Variants in SLC2A9 observed in about 807,000 individuals in gnomAD.
SLC2A9 encodes solute carrier family 2, facilitated glucose transporter member 9.
A neutral mutation model predicts 50.6 loss-of-function variants in SLC2A9; 39 were observed. The ratio of observed to expected loss-of-function variants is 0.77; its 90% confidence interval spans 0.60 to 1.01. The LOEUF is 1.01. Among genes scored for constraint, SLC2A9 ranks in the 50% least tolerant of loss-of-function variants. The probability of loss-of-function intolerance (pLI) is 0.00; values close to 1 mark genes in which losing one functional copy is unlikely to be tolerated. For missense variants in SLC2A9, 686 were observed against 677.6 expected, an observed-to-expected ratio of 1.01 and a Z score of -0.14; for synonymous variants, 324 against 276.9, an observed-to-expected ratio of 1.17 and a Z score of -1.69.
At chr4:9,771,676 G>A (rs955410761) in intron 1 of SLC2A9, among the ~76,000 whole-genome samples, 1 of 152,246 alleles carries the variant, frequency 6.6e-6, no homozygotes, top group African/African-American at 2.4e-5. Flanking sequence ...AGCACCGAGC[G>A]AACAGATCAT....
chr4:10,035,528 G>C (rs765298337), intron 1 of SLC2A9: 1 of 152,212 alleles, frequency 6.6e-6, no homozygotes, highest in Non-Finnish European at 1.5e-5. Flanking sequence ...CTCATGGGCT[G>C]GCTGAAGGGA....
At chr4:9,835,734 C>T (rs1297996527) in intron 10 of SLC2A9, among the ~76,000 whole-genome samples, 6 of 152,272 alleles carry the variant, frequency 3.9e-5, no homozygotes, top group East Asian at 1.9e-4. Context: ...GAAAACCAAA[C>T]ATCGTATGTT....
chr4:9,838,129 A>C (rs189043916), intron 10 of SLC2A9, among the ~76,000 whole-genome samples: 1 of 152,312 alleles, frequency 6.6e-6, no homozygotes, highest in East Asian at 1.9e-4. Flanking sequence ...TCTCCATTAT[A>C]TCCCCCATTT....
chr4:9,895,826 T>C (rs751154401), intron 8 of SLC2A9, among the ~76,000 whole-genome samples: 5 of 152,222 alleles, frequency 3.3e-5, no homozygotes, highest in Non-Finnish European at 5.9e-5. Context: ...CAGAATTATC[T>C]TGTGTCTCTT....
intron 3 of SLC2A9, chr4:9,781,994 G>A: frequency 7.0e-7 from 1 of 1,420,956 alleles, no homozygotes; most frequent in Middle Eastern, 1.9e-4. Flanking sequence ...CTGAAGTTGG[G>A]ACCGCGCACA....
intron 7 of SLC2A9, among the ~76,000 whole-genome samples, chr4:9,919,189 G>T (rs1175882752): frequency 6.6e-6 from 1 of 152,116 alleles, no homozygotes; most frequent in Non-Finnish European, 1.5e-5. Flanking sequence ...CAGACTGTCT[G>T]GCAAAACCTC....
chr4:9,884,265 T>C (rs1469629998), intron 10 of SLC2A9, among the ~76,000 whole-genome samples: 1 of 152,214 alleles, frequency 6.6e-6, no homozygotes, highest in African/African-American at 2.4e-5. Context: ...ATGTTACTTT[T>C]TTAAACAATT....
chr4:10,023,507 C>T (rs1012850883), upstream of SLC2A9, among the ~76,000 whole-genome samples: 1 of 152,158 alleles, frequency 6.6e-6, no homozygotes, highest in Non-Finnish European at 1.5e-5. Context: ...CCCCTCATCC[C>T]GTTAAAAATT....
intron 10 of SLC2A9, among the ~76,000 whole-genome samples, chr4:9,878,146 A>G: frequency 6.8e-6 from 1 of 148,066 alleles, no homozygotes. Flanking sequence ...ACACACACAC[A>G]TATATATATA....
intron 5 of SLC2A9, among the ~76,000 whole-genome samples, chr4:9,942,530 G>C (rs1748357569): frequency 6.6e-6 from 1 of 152,218 alleles, no homozygotes; most frequent in African/African-American, 2.4e-5. Context: ...ACACAAGAAG[G>C]GCAGCTGGAG....
intron 2 of SLC2A9, among the ~76,000 whole-genome samples, chr4:9,999,518 G>A (rs1308423295): frequency 1.3e-5 from 2 of 152,178 alleles, no homozygotes; most frequent in Non-Finnish European, 2.9e-5. Context: ...GGCAGAGGGA[G>A]AATTATGCCA....
chr4:9,947,676 T>C (rs766604758), intron 5 of SLC2A9, among the ~76,000 whole-genome samples: 35 of 152,066 alleles, frequency 2.3e-4, no homozygotes, highest in Non-Finnish European at 1.2e-4. Context: ...AAGTCTATAC[T>C]CCAATCACTT....
rs930827613 is a variant in SLC2A9, at chr4:9,837,627, T to A, written c.1292-2619A>T. On this transcript the variant is annotated intron_variant, in intron 10 of 11. Coordinates refer to ENST00000264784, the MANE Select transcript of SLC2A9 (RefSeq NM_020041.3). Reference sequence around the variant, plus strand: ...TTTCTTCAGGGCTTGAGGCCATGACTTGTTTATTGGTTAAGACTCCTGATC... The same window carrying A: ...TTTCTTCAGGGCTTGAGGCCATGACATGTTTATTGGTTAAGACTCCTGATC... Among the ~76,000 whole-genome samples the A allele has an allele frequency of 3.3e-5, 5 of 152,254 alleles. No homozygotes were observed. In the South Asian group the frequency reaches 1.0e-3, roughly 31 times the overall value.
chr4:9,927,072 C>T (rs1745040699), intron 6 of SLC2A9, among the ~76,000 whole-genome samples: 1 of 151,272 alleles, frequency 6.6e-6, no homozygotes, highest in Non-Finnish European at 1.5e-5. Context: ...TCTTGTTGCC[C>T]AGACTGCAGT....
chr4:9,997,689 C>A (rs777635362), intron 2 of SLC2A9, among the ~76,000 whole-genome samples: 1 of 151,338 alleles, frequency 6.6e-6, no homozygotes, highest in Non-Finnish European at 1.5e-5. Context: ...GACAGAGTGA[C>A]ACCCTGTCTC....
At chr4:9,820,563 T>C (rs1386340166) in intron 3 of SLC2A9, among the ~76,000 whole-genome samples, 3 of 152,230 alleles carry the variant, frequency 2.0e-5, no homozygotes, top group Non-Finnish European at 4.4e-5. Context: ...AAGTCATTCA[T>C]TCAGTGAACA....
At chr4:9,972,960 A>C (rs992466541) in intron 5 of SLC2A9, among the ~76,000 whole-genome samples, 1 of 152,238 alleles carries the variant, frequency 6.6e-6, no homozygotes, top group South Asian at 2.1e-4. Context: ...AGAACAGAAC[A>C]GAACAAAATT....
rs566557432 is a variant in SLC2A9 at position 9,956,343 on chromosome 4, G to A, written c.682-14298C>T. 5.7e-4 allele frequency among the ~76,000 whole-genome samples: 86 copies of A among 151,716 alleles called. No individual in the cohort carries two copies. In the South Asian group the frequency reaches 0.011, roughly 19 times the overall value. On this transcript the variant is annotated intron_variant, in intron 5 of 11. Transcript: ENST00000264784. ...CTAAAAATACAAAAAAAAATTAGCC[G>A]GGCATGGTAGCCTGTAGCCCCAGCT...
chr4:10,018,039 G>A (rs1319227077), intron 2 of SLC2A9, among the ~76,000 whole-genome samples: 1 of 152,180 alleles, frequency 6.6e-6, no homozygotes, highest in East Asian at 1.9e-4. Context: ...CCTGTGGGTG[G>A]TGGTAGGTCA....
Sources: allele counts gnomAD v4.1 joint callset (sites outside exome capture counted in the v4.1 genomes callset), GRCh38; gene constraint gnomAD v4.1.1; transcripts MANE v1.5; gene names NCBI Gene and HGNC (gene_info 2026-07-23, HGNC 2026-07-21).